The following KCNB2 variants were observed in gnomAD, a reference collection of about 807,000 sequenced individuals.
KCNB2 encodes delayed rectifier potassium channel protein.
A neutral mutation model predicts 61.5 loss-of-function variants in KCNB2; 15 were observed. The observed-to-expected ratio is 0.24, with a 90% CI of 0.16 to 0.38. The LOEUF (loss-of-function observed/expected upper bound fraction) is 0.38, where lower values mean the gene tolerates loss of function less well. KCNB2 is among the 10% of genes least tolerant of loss of function. The pLI is 1.00. For missense variants in KCNB2, 828 were observed against 1,125.2 expected (o/e 0.74, Z 3.78); for synonymous variants, 457 against 446.0 (o/e 1.02, Z -0.31).
At chr8:72,757,364 T>C (rs1808306059) in intron 2 of KCNB2, among the ~76,000 whole-genome samples, 1 of 152,068 alleles carries the variant, frequency 6.6e-6, no homozygotes, top group Admixed American at 6.5e-5. Flanking sequence ...AGACAGCAAA[T>C]ACAGATTACT....
intron 2 of KCNB2, among the ~76,000 whole-genome samples, chr8:72,613,559 T>C (rs1805571835): frequency 2.0e-5 from 3 of 152,230 alleles, no homozygotes; most frequent in Non-Finnish European, 4.4e-5. Flanking sequence ...TGTTTCACTA[T>C]GTATTAAGAT....
chr8:72,888,978 G>A (rs1805852659), intron 2 of KCNB2, among the ~76,000 whole-genome samples: 1 of 152,116 alleles, frequency 6.6e-6, no homozygotes, highest in East Asian at 1.9e-4. Flanking sequence ...CACTAACTCT[G>A]GGACTCGGAA....
chr8:72,835,926 A>G (rs2919411), intron 2 of KCNB2, among the ~76,000 whole-genome samples: 22,411 of 152,212 alleles, frequency 0.15, 2,625 homozygotes, highest in East Asian at 0.52. Flanking sequence ...CTTTCCCAAC[A>G]TATGTCAGTC....
intron 2 of KCNB2, among the ~76,000 whole-genome samples, chr8:72,815,259 G>A (rs1219545685): frequency 6.6e-6 from 1 of 152,048 alleles, no homozygotes; most frequent in Non-Finnish European, 1.5e-5. Flanking sequence ...AACGGTTTCT[G>A]GGAAGTTACT....
chr8:72,681,109 C>T (rs1806742636), intron 2 of KCNB2, among the ~76,000 whole-genome samples: 1 of 152,082 alleles, frequency 6.6e-6, no homozygotes, highest in African/African-American at 2.4e-5. Context: ...AAAGACGACC[C>T]TCAAAATGGT....
At chr8:72,735,977 G>A (rs888641793) in intron 2 of KCNB2, among the ~76,000 whole-genome samples, 2 of 151,982 alleles carry the variant, frequency 1.3e-5, no homozygotes, top group Non-Finnish European at 2.9e-5. Context: ...TAGAGAATAC[G>A]GTATGGAAAC....
rs186645318 is a variant in KCNB2, at chr8:72,732,583, A to C, written c.579+164270A>C. Among the ~76,000 whole-genome samples, 136 of 152,358 alleles carry C rather than the reference A, an allele frequency of 8.9e-4. 1 individual carries two copies. The highest frequency in any genetic ancestry group is 3.3e-3 in the African/African-American group (136 of 41,570). On this transcript the variant is annotated intron_variant, in intron 2 of 2. Coordinates refer to ENST00000523207, the MANE Select transcript of KCNB2 (RefSeq NM_004770.3). ...TTTGACTGCAAGAATTGATGAGCTA[A>C]GAAAGTACTTAGAAGCACCTAGCCA...
chr8:72,844,241 T>C (rs376274702), intron 2 of KCNB2, among the ~76,000 whole-genome samples: 2 of 152,188 alleles, frequency 1.3e-5, no homozygotes, highest in Non-Finnish European at 2.9e-5. Flanking sequence ...AAAATTCTTT[T>C]CTTTAAGGAT....
At chr8:72,602,489 T>C (rs1563535890) in intron 2 of KCNB2, among the ~76,000 whole-genome samples, 1 of 152,170 alleles carries the variant, frequency 6.6e-6, no homozygotes, top group Non-Finnish European at 1.5e-5. Flanking sequence ...TTTATATAAT[T>C]TCCATGTGAG....
At chr8:72,901,584 G>A (rs1362399192) in intron 2 of KCNB2, among the ~76,000 whole-genome samples, 2 of 152,110 alleles carry the variant, frequency 1.3e-5, no homozygotes, top group African/African-American at 4.8e-5. Context: ...CAGCTGCACA[G>A]TGCTCCATTT....
At chr8:72,695,594 G>A (rs1807005903) in intron 2 of KCNB2, among the ~76,000 whole-genome samples, 1 of 152,104 alleles carries the variant, frequency 6.6e-6, no homozygotes, top group Non-Finnish European at 1.5e-5. Flanking sequence ...CATCTCCTCT[G>A]ATTCATTCAT....
intron 2 of KCNB2, among the ~76,000 whole-genome samples, chr8:72,828,980 G>C (rs1288238125): frequency 1.3e-5 from 2 of 152,084 alleles, no homozygotes; most frequent in Non-Finnish European, 2.9e-5. Flanking sequence ...TTAACGTTAG[G>C]CTTCTCTGTT....
At chr8:72,691,261 T>C (rs921014715) in intron 2 of KCNB2, among the ~76,000 whole-genome samples, 1 of 152,196 alleles carries the variant, frequency 6.6e-6, no homozygotes, top group Non-Finnish European at 1.5e-5. Flanking sequence ...AATGAAGTTG[T>C]GTAACTGTGA....
At chr8:72,762,635 T>C (rs535089046) in intron 2 of KCNB2, among the ~76,000 whole-genome samples, 6 of 152,212 alleles carry the variant, frequency 3.9e-5, no homozygotes, top group African/African-American at 1.4e-4. Context: ...AGGATATACA[T>C]TATTCATATC....
At chr8:72,867,568 G>A (rs538114837) in intron 2 of KCNB2, among the ~76,000 whole-genome samples, 1 of 152,222 alleles carries the variant, frequency 6.6e-6, no homozygotes, top group Non-Finnish European at 1.5e-5. Context: ...TTAGTCAAAT[G>A]AGTGTGTGAT....
intron 2 of KCNB2, among the ~76,000 whole-genome samples, chr8:72,582,066 A>G (rs1806907904): frequency 1.3e-5 from 2 of 152,200 alleles, no homozygotes; most frequent in Admixed American, 6.5e-5. Flanking sequence ...GTTCAAGTGC[A>G]TTGGTTACCA....
At chr8:72,910,042 A>G (rs752432331) in intron 2 of KCNB2, among the ~76,000 whole-genome samples, 3 of 152,176 alleles carry the variant, frequency 2.0e-5, no homozygotes, top group South Asian at 2.1e-4. Context: ...ACATGTTGGC[A>G]TATACAACAG....
chr8:72,640,221 T>C (rs1377751748), intron 2 of KCNB2, among the ~76,000 whole-genome samples: 2 of 152,106 alleles, frequency 1.3e-5, no homozygotes, highest in Non-Finnish European at 2.9e-5. Flanking sequence ...CCTATTATTT[T>C]TATATTGGTC....
At chr8:72,556,000 T>C (rs919288837) in intron 1 of KCNB2, among the ~76,000 whole-genome samples, 1 of 152,106 alleles carries the variant, frequency 6.6e-6, no homozygotes, top group African/African-American at 2.4e-5. Flanking sequence ...ATAGTAACAT[T>C]GTCTGTTATA....
Sources: allele counts gnomAD v4.1 joint callset (sites outside exome capture counted in the v4.1 genomes callset), GRCh38; gene constraint gnomAD v4.1.1; transcripts MANE v1.5; gene names NCBI Gene and HGNC (gene_info 2026-07-23, HGNC 2026-07-21).